Variants in ANO3 observed in about 807,000 individuals in gnomAD.
ANO3 encodes the protein anoctamin-3.
A neutral mutation model predicts 144.8 loss-of-function variants in ANO3; 99 were observed. That is an observed-to-expected ratio of 0.68 (90% CI 0.58 to 0.81). The LOEUF (loss-of-function observed/expected upper bound fraction) is 0.81, where lower values mean the gene tolerates loss of function less well. ANO3 is among the 30% of genes least tolerant of loss of function. ANO3 has a pLI of 0.00. For synonymous variants in ANO3, 414 were observed against 392.6 expected (o/e 1.05, Z -0.64); for missense variants, 905 against 1,202.2 (o/e 0.75, Z 3.66).
chr11:26,612,235 A>G (rs1193084963), intron 17 of ANO3, among the ~76,000 whole-genome samples: 1 of 151,656 alleles, frequency 6.6e-6, no homozygotes, highest in Non-Finnish European at 1.5e-5. Context: ...CTGTGGTGCT[A>G]TGCTTTGTTT....
chr11:26,197,330 A>AGT (rs1489395711), intron 1 of ANO3, among the ~76,000 whole-genome samples: 5 of 151,962 alleles, frequency 3.3e-5, no homozygotes, highest in Non-Finnish European at 7.4e-5. Context: ...CTATATGGGT[A>AGT]GTTTAATATT....
At chr11:26,635,795 C>T (rs940906285) in intron 20 of ANO3, among the ~76,000 whole-genome samples, 1 of 152,126 alleles carries the variant, frequency 6.6e-6, no homozygotes. Context: ...TAAAACATAA[C>T]AAATATTTTA....
At chr11:26,285,274 T>A (rs533162077) in intron 1 of ANO3, among the ~76,000 whole-genome samples, 1 of 152,284 alleles carries the variant, frequency 6.6e-6, no homozygotes, top group Admixed American at 6.5e-5. Flanking sequence ...AAACTCATAA[T>A]TTGCATAATG....
chr11:26,474,075 T>A, intron 4 of ANO3: 1 of 985,226 alleles, frequency 1.0e-6, no homozygotes, highest in Non-Finnish European at 1.2e-6. Context: ...CATTTGAGAC[T>A]GTTGTCAGCA....
chr11:26,478,819 A>G (rs982968799), intron 4 of ANO3, among the ~76,000 whole-genome samples: 2 of 152,190 alleles, frequency 1.3e-5, no homozygotes, highest in African/African-American at 4.8e-5. Flanking sequence ...CAGACCACAC[A>G]TAAATGAGGC....
At chr11:26,627,150 G>A (rs1184222229) in intron 18 of ANO3, among the ~76,000 whole-genome samples, 1 of 151,898 alleles carries the variant, frequency 6.6e-6, no homozygotes, top group African/African-American at 2.4e-5. Context: ...TAGAGTCTGT[G>A]CTCTGGAGCT....
intron 11 of ANO3, among the ~76,000 whole-genome samples, chr11:26,545,109 G>T (rs542986793): frequency 1.3e-5 from 2 of 151,988 alleles, no homozygotes; most frequent in Non-Finnish European, 2.9e-5. Context: ...AAGAAAGATT[G>T]TCTTAAAATT....
rs1173343802 is a variant in ANO3, at chr11:26,634,317, T to G, written c.1985+2T>G. The G allele has an allele frequency of 6.3e-7, 1 of 1,582,452 alleles. No individual in the cohort carries two copies. The highest frequency in any genetic ancestry group is 1.7e-5 in the Admixed American group (1 of 59,954). ...CTATATCGCTTTCTTTTTGGGAAGG[T>G]AAGTCAACTTTTTGTACATTATCTT... On this transcript the variant is annotated splice_donor_variant, in intron 19 of 26. Transcript: ENST00000256737. LOFTEE classifies it high-confidence loss of function.
intron 1 of ANO3, among the ~76,000 whole-genome samples, chr11:26,303,163 A>G (rs1339568189): frequency 6.6e-6 from 1 of 152,218 alleles, no homozygotes; most frequent in Non-Finnish European, 1.5e-5. Context: ...AAACAGAACC[A>G]CCATTTGACC....
chr11:26,426,382 C>G (rs1857921198), intron 1 of ANO3, among the ~76,000 whole-genome samples: 1 of 151,956 alleles, frequency 6.6e-6, no homozygotes, highest in Non-Finnish European at 1.5e-5. Flanking sequence ...AAAGATAAAA[C>G]TTTAGGGAGG....
chr11:26,405,768 G>T (rs1332630931), intron 1 of ANO3, among the ~76,000 whole-genome samples: 1 of 151,870 alleles, frequency 6.6e-6, no homozygotes, highest in African/African-American at 2.4e-5. Context: ...GAGAGCATGA[G>T]TGTGTGTATT....
chr11:26,332,483 T>A (rs1855080577), intron 1 of ANO3, among the ~76,000 whole-genome samples, 162 bp downstream of exon 1: 1 of 149,538 alleles, frequency 6.7e-6, no homozygotes, highest in African/African-American at 2.5e-5. Context: ...TCACTCTGCA[T>A]CCTAGATGAG....
chr11:26,322,477 T>C (rs912894666), intron 1 of ANO3, among the ~76,000 whole-genome samples: 1 of 152,154 alleles, frequency 6.6e-6, no homozygotes, highest in Non-Finnish European at 1.5e-5. Flanking sequence ...GCAGTTGTCA[T>C]GTCTCTTTAG....
chr11:26,566,793 A>C (rs2134273405), intron 14 of ANO3, among the ~76,000 whole-genome samples: 1 of 110,852 alleles, frequency 9.0e-6, no homozygotes, highest in South Asian at 2.9e-4. Flanking sequence ...ATTTATATTA[A>C]AATTCTGGCT....
rs1554928313 is a variant in ANO3 at position 26,245,018 on chromosome 11, T to TGCGCGC, written c.154+55689_154+55690insCGCGCG. Among the ~76,000 whole-genome samples the TGCGCGC allele has an allele frequency of 7.9e-3, 1,150 of 145,422 alleles. 20 individuals carry two copies. The highest frequency in any genetic ancestry group is 0.019 in the African/African-American group (753 of 39,536). Reference sequence around the variant, plus strand: ...GTGTGTGTGTGTGTGTGTGTGTGTGTGTGCATGCATGCATTTGTCTTTCAT... The same window carrying TGCGCGC: ...GTGTGTGTGTGTGTGTGTGTGTGTGTGCGCGCGTGCATGCATGCATTTGTCTTTCAT... On this transcript the variant is annotated intron_variant, in intron 1 of 27. Transcript: ENST00000672621.
At chr11:26,538,255 T>C (rs1011802175) in intron 10 of ANO3, among the ~76,000 whole-genome samples, 2 of 152,186 alleles carry the variant, frequency 1.3e-5, no homozygotes, top group African/African-American at 4.8e-5. Flanking sequence ...AACTCTGTTT[T>C]GTATATAGGT....
chr11:26,234,971 C>G (rs1240199550), intron 1 of ANO3, among the ~76,000 whole-genome samples: 2 of 116,096 alleles, frequency 1.7e-5, no homozygotes, highest in Non-Finnish European at 4.1e-5. Flanking sequence ...TGTCTCAGCT[C>G]AAGCAGTTAG....
chr11:26,555,330 C>CA (rs924200872), intron 13 of ANO3, among the ~76,000 whole-genome samples: 3 of 151,938 alleles, frequency 2.0e-5, no homozygotes, highest in African/African-American at 2.4e-5. Context: ...CTAGGAATGC[C>CA]AAAAAAATCC....
intron 1 of ANO3, among the ~76,000 whole-genome samples, chr11:26,200,908 C>G (rs1445862133): frequency 6.6e-6 from 1 of 152,120 alleles, no homozygotes; most frequent in East Asian, 1.9e-4. Context: ...CCTTGATTAA[C>G]ACCCCTCCAC....
Sources: allele counts gnomAD v4.1 joint callset (sites outside exome capture counted in the v4.1 genomes callset), GRCh38; gene constraint gnomAD v4.1.1; transcripts MANE v1.5; gene names NCBI Gene and HGNC (gene_info 2026-07-23, HGNC 2026-07-21).